Variants in C3orf52 observed in about 807,000 individuals in gnomAD.
C3orf52 encodes the protein chromosome 3 open reading frame 52, also known as TPA-induced transmembrane protein.
In C3orf52, 22 loss-of-function variants were observed where a neutral mutation model predicts 24.8. The observed-to-expected ratio is 0.89, with a 90% CI of 0.63 to 1.27. C3orf52 has a LOEUF of 1.27. Among genes scored for constraint, C3orf52 ranks in the 50% most tolerant of loss-of-function variants. C3orf52 has a pLI of 0.00. For synonymous variants in C3orf52, 93 were observed against 100.2 expected (o/e 0.93, Z 0.43); for missense variants, 265 against 260.7 (o/e 1.02, Z -0.11).
intron 4 of C3orf52, among the ~76,000 whole-genome samples, chr3:112,111,278 G>A (rs1289867210): frequency 6.6e-6 from 1 of 152,220 alleles, no homozygotes; most frequent in Admixed American, 6.5e-5. Context: ...AAGAAGTCCA[G>A]GCAGAGGTCC....
In C3orf52 at chr3:112,086,513, C is replaced by T; in HGVS notation, c.106C>T (p.Pro36Ser). The T allele has an allele frequency of 6.4e-6, 10 of 1,551,366 alleles. No individual in the cohort carries two copies. The highest frequency in any genetic ancestry group is 8.7e-6 in the Non-Finnish European group (10 of 1,146,786). Residue 36 changes from proline to serine, a missense_variant, in exon 1 of 6, where the codon CCT (proline) becomes TCT (serine). Physicochemically the swap from Pro to Ser is moderately conservative, Grantham distance 74. Transcript: ENST00000264848. ...TCTCAATGGTGCCGACAAGGTCTTC[C>T]CTTCTTTGGACGAGGAGGTCCCCCC... ...TPLNGADKVFPSLDEEVPPAE... is the reference protein window; with the variant it reads ...TPLNGADKVFSSLDEEVPPAE...
downstream of C3orf52, chr3:112,130,490 A>G: frequency 6.2e-7 from 1 of 1,614,048 alleles, no homozygotes; most frequent in African/African-American, 1.3e-5. Context: ...ATTCCAAGGC[A>G]TCTCTTGAGT....
downstream of C3orf52, chr3:112,132,959 T>C (rs2074492640): frequency 3.4e-6 from 3 of 875,490 alleles, no homozygotes; most frequent in East Asian, 2.5e-5. Flanking sequence ...CACTGAAGGC[T>C]TGGCAGTTTC....
At chr3:112,086,640 CG>C in intron 1 of C3orf52, 95 bp downstream of exon 1, 1 of 1,444,114 alleles carries the variant, frequency 6.9e-7, no homozygotes. Flanking sequence ...TCCAGTCAGG[CG>C]GGGCGTCGAC....
downstream of C3orf52, chr3:112,133,188 G>A (rs1262911697): frequency 1.3e-6 from 2 of 1,536,332 alleles, no homozygotes; most frequent in Non-Finnish European, 1.8e-6. Flanking sequence ...TGCTCTGACA[G>A]GGCAACTCCT....
intron 4 of C3orf52, chr3:112,125,382 C>G (rs2074293449): frequency 1.2e-5 from 8 of 685,150 alleles, no homozygotes; most frequent in Non-Finnish European, 2.1e-5. Flanking sequence ...TCAGGCTATT[C>G]TGATCTACAG....
At chr3:112,090,889 A>G (rs1009475295) in intron 1 of C3orf52, among the ~76,000 whole-genome samples, 8 of 152,116 alleles carry the variant, frequency 5.3e-5, no homozygotes, top group African/African-American at 1.9e-4. Flanking sequence ...GTAAATGGGG[A>G]GATGTTTCTG....
downstream of C3orf52, among the ~76,000 whole-genome samples, chr3:112,135,584 TA>T (rs2074543251): frequency 6.6e-6 from 1 of 151,656 alleles, no homozygotes; most frequent in Non-Finnish European, 1.5e-5. Context: ...GATTTTATTA[TA>T]AAAGATAAGC....
intron 2 of C3orf52, among the ~76,000 whole-genome samples, chr3:112,097,913 A>G (rs1348329608): frequency 6.6e-6 from 1 of 152,180 alleles, no homozygotes; most frequent in Non-Finnish European, 1.5e-5. Context: ...CATTATTGGA[A>G]TGCTAATCAT....
At position 112,116,904 on chromosome 3, in the gene C3orf52, C is replaced by T. The variant is rs938295226; in HGVS notation, c.*258C>T. On this transcript the variant is annotated 3_prime_UTR_variant, in exon 6 of 6. Coordinates refer to ENST00000264848, the MANE Select transcript of C3orf52 (RefSeq NM_024616.3). ...GCTAGGGTGGGGGCGATAGGGTCAG[C>T]GGGTATGTCCCACTGTTGGAGGTCA... is the stretch of plus-strand genomic sequence containing the variant. The T allele has an allele frequency of 2.9e-5, 45 of 1,537,016 alleles. No homozygotes were observed. The highest frequency in any genetic ancestry group is 4.9e-5 in the East Asian group (2 of 40,922).
intron 4 of C3orf52, chr3:112,126,873 T>C: frequency 1.3e-6 from 1 of 774,736 alleles, no homozygotes; most frequent in Non-Finnish European, 2.3e-6. Flanking sequence ...TAAAGCAAAA[T>C]GTGTAGATAT....
At chr3:112,095,140 G>A (rs2073914355) in intron 2 of C3orf52, among the ~76,000 whole-genome samples, 1 of 152,200 alleles carries the variant, frequency 6.6e-6, no homozygotes, top group Non-Finnish European at 1.5e-5. Context: ...TATTTACTTA[G>A]GGCATTGTTC....
intron 4 of C3orf52, among the ~76,000 whole-genome samples, chr3:112,127,747 G>A (rs1316981408): frequency 6.6e-6 from 1 of 152,118 alleles, no homozygotes; most frequent in Admixed American, 6.5e-5. Context: ...TTTGCAGTGT[G>A]AAAAAAACGT....
chr3:112,096,198 C>T (rs966094333), intron 2 of C3orf52, among the ~76,000 whole-genome samples: 3 of 152,098 alleles, frequency 2.0e-5, no homozygotes, highest in African/African-American at 7.2e-5. Context: ...CAGGTCTTTG[C>T]AAAACTACCC....
At chr3:112,130,167 G>A (rs1433126739), downstream of C3orf52, 1 of 400,358 alleles carries the variant, frequency 2.5e-6, no homozygotes, top group Non-Finnish European at 4.6e-6. Flanking sequence ...ATGACAACAG[G>A]AAATAAGACC....
chr3:112,119,078 C>A (rs1178890019), downstream of C3orf52, among the ~76,000 whole-genome samples: 1 of 152,060 alleles, frequency 6.6e-6, no homozygotes, highest in African/African-American at 2.4e-5. Flanking sequence ...GAAAAAAATA[C>A]CCAGGGGTCA....
At chr3:112,126,368 C>A (rs2074318240) in intron 4 of C3orf52, among the ~76,000 whole-genome samples, 1 of 152,150 alleles carries the variant, frequency 6.6e-6, no homozygotes, top group Non-Finnish European at 1.5e-5. Flanking sequence ...CCTACACTTT[C>A]TTATTTTTAT....
chr3:112,127,354 T>C (rs2074350678), intron 4 of C3orf52, among the ~76,000 whole-genome samples: 2 of 152,210 alleles, frequency 1.3e-5, no homozygotes, highest in African/African-American at 4.8e-5. Flanking sequence ...TCAATTTCTT[T>C]TCTATCATGT....
At chr3:112,092,911 A>G (rs868849300) in intron 1 of C3orf52, among the ~76,000 whole-genome samples, 1 of 152,182 alleles carries the variant, frequency 6.6e-6, no homozygotes, top group African/African-American at 2.4e-5. Context: ...TCAAGTTTCC[A>G]GTGCACACCC....
Sources: gnomAD v4.1 joint callset for allele counts (sites outside exome capture counted in the v4.1 genomes callset) on GRCh38, gnomAD v4.1.1 for gene constraint, MANE v1.5 for transcripts, NCBI Gene and HGNC (gene_info 2026-07-23, HGNC 2026-07-21) for gene names.